Variants in STK3 observed in about 807,000 individuals in gnomAD.
STK3 encodes the protein serine/threonine-protein kinase 3.
Under a neutral mutation model 58.0 loss-of-function variants are expected in STK3, and 41 were observed. The observed-to-expected ratio is 0.71, with a 90% CI of 0.55 to 0.92. STK3 has a LOEUF of 0.92. Ranked by LOEUF, STK3 falls within the 40% of genes least tolerant of loss-of-function variation. The pLI is 0.00. For missense variants in STK3, 479 were observed against 602.7 expected (o/e 0.79, Z 2.15); for synonymous variants, 170 against 191.0 (o/e 0.89, Z 0.91).
intron 9 of STK3, among the ~76,000 whole-genome samples, chr8:98,545,272 A>G (rs951895304): frequency 6.6e-6 from 1 of 152,236 alleles, no homozygotes; most frequent in South Asian, 2.1e-4. Flanking sequence ...CCACATGTAA[A>G]TAATGGCTAG....
chr8:98,517,895 C>T (rs760365784), intron 10 of STK3, among the ~76,000 whole-genome samples: 1 of 152,042 alleles, frequency 6.6e-6, no homozygotes, highest in Admixed American at 6.6e-5. Flanking sequence ...GACTAAACAT[C>T]CAAAATTGGG....
At chr8:98,499,034 T>A (rs1000130116) in intron 10 of STK3, among the ~76,000 whole-genome samples, 9 of 152,236 alleles carry the variant, frequency 5.9e-5, no homozygotes, top group Admixed American at 3.9e-4. Flanking sequence ...CTAAATGCAA[T>A]CATAAATGTT....
chr8:98,555,969 T>G (rs527519828), intron 8 of STK3, among the ~76,000 whole-genome samples: 1 of 152,054 alleles, frequency 6.6e-6, no homozygotes, highest in Non-Finnish European at 1.5e-5. Context: ...CTTTCCAAAG[T>G]AGAAATGAAA....
chr8:98,651,993 T>G (rs997362517), intron 6 of STK3, among the ~76,000 whole-genome samples: 1 of 151,906 alleles, frequency 6.6e-6, no homozygotes, highest in Non-Finnish European at 1.5e-5. Context: ...GCCACAAAGA[T>G]ACTCCTCGAG....
intron 10 of STK3, among the ~76,000 whole-genome samples, chr8:98,457,768 A>C (rs985494432): frequency 6.6e-6 from 1 of 152,186 alleles, no homozygotes; most frequent in African/African-American, 2.4e-5. Context: ...CTAACATATT[A>C]TATAAAGCAA....
chr8:98,880,247 G>A (rs2131895815), downstream of STK3: 1 of 152,274 alleles, frequency 6.6e-6, no homozygotes, highest in Admixed American at 6.5e-5. Flanking sequence ...GACAGAGGGA[G>A]ATTCCATCTC....
intron 1 of STK3, among the ~76,000 whole-genome samples, chr8:98,379,760 T>C (rs1379944032): frequency 2.6e-5 from 4 of 152,178 alleles, no homozygotes; most frequent in Admixed American, 6.5e-5. Context: ...AAAAGCAAAA[T>C]AGAACTACCA....
At chr8:98,622,598 A>G (rs1192874382) in intron 6 of STK3, among the ~76,000 whole-genome samples, 1 of 152,232 alleles carries the variant, frequency 6.6e-6, no homozygotes. Flanking sequence ...CGAGTTCAAG[A>G]AGAACTATAT....
chr8:98,828,295 T>C (rs1324167720), upstream of STK3, among the ~76,000 whole-genome samples: 1 of 151,868 alleles, frequency 6.6e-6, no homozygotes, highest in East Asian at 1.9e-4. Flanking sequence ...CTTTTTGTGT[T>C]TCATCAGAGA....
intron 6 of STK3, among the ~76,000 whole-genome samples, chr8:98,669,042 G>A (rs1191362718): frequency 2.1e-5 from 3 of 144,480 alleles, no homozygotes; most frequent in African/African-American, 7.9e-5. Flanking sequence ...TGTTGCCCAG[G>A]TTGGAGTGCA....
chr8:98,795,129 T>TATATATATATAC (rs1288218080), intron 1 of STK3, among the ~76,000 whole-genome samples: 62 of 95,926 alleles, frequency 6.5e-4, no homozygotes, highest in African/African-American at 2.5e-3. Context: ...TATATATATA[T>TATATATATATAC]ACATACTAGT....
chr8:98,680,913 C>T (rs1182597327), intron 6 of STK3, among the ~76,000 whole-genome samples: 1 of 151,084 alleles, frequency 6.6e-6, no homozygotes, highest in African/African-American at 2.4e-5. Context: ...GGTGGGAATC[C>T]ATTATGTTTT....
intron 1 of STK3, among the ~76,000 whole-genome samples, chr8:98,902,440 C>G (rs1452341342): frequency 6.6e-6 from 1 of 152,192 alleles, no homozygotes; most frequent in East Asian, 1.9e-4. Flanking sequence ...TCATTCAGTG[C>G]TACTCTCCTA....
the STK3 span, among the ~76,000 whole-genome samples, chr8:98,348,676 A>T: frequency 1.3e-5 from 2 of 152,256 alleles, no homozygotes; most frequent in African/African-American, 4.8e-5. Flanking sequence ...GTTCAACATT[A>T]TATGTCATTA....
At chr8:98,361,238 C>A in the STK3 span, among the ~76,000 whole-genome samples, 1 of 152,148 alleles carries the variant, frequency 6.6e-6, no homozygotes, top group East Asian at 1.9e-4. Flanking sequence ...TTAAGGCCCA[C>A]ACACTCTGCA....
chr8:98,426,434 C>G (rs1818233134), intron 3 of STK3, among the ~76,000 whole-genome samples: 2 of 152,218 alleles, frequency 1.3e-5, no homozygotes, highest in South Asian at 2.1e-4. Context: ...CCACACCGGC[C>G]TGGACACAAA....
intron 1 of STK3, among the ~76,000 whole-genome samples, chr8:98,382,553 T>C (rs1817747121): frequency 6.6e-6 from 1 of 151,728 alleles, no homozygotes; most frequent in South Asian, 2.1e-4. Context: ...TGGTCTGTGT[T>C]CTAAGATTGG....
At position 98,740,631 on chromosome 8, in the gene STK3, T is replaced by G. The variant is rs192374335; in HGVS notation, c.351+8645A>C. ...GAAAGGAACAACCGGTACCAGCCAC[T>G]GCAAAATCATGCCAAATTGTAAAGA... On this transcript the variant is annotated intron_variant, in intron 4 of 10. Transcript: ENST00000419617. Among the ~76,000 whole-genome samples the G allele has an allele frequency of 3.4e-3, 525 of 152,294 alleles. 4 individuals are homozygous for G. Among genetic ancestry groups the G allele is most frequent in the African/African-American group, 0.011 (470 of 41,546 alleles).
intron 9 of STK3, among the ~76,000 whole-genome samples, chr8:98,534,706 G>C (rs1380084304): frequency 1.3e-5 from 2 of 152,126 alleles, no homozygotes; most frequent in African/African-American, 4.8e-5. Flanking sequence ...TTTGTCTCTA[G>C]GCTTCATCAT....
Sources: gnomAD v4.1 joint callset for allele counts (sites outside exome capture counted in the v4.1 genomes callset) on GRCh38, gnomAD v4.1.1 for gene constraint, MANE v1.5 for transcripts, NCBI Gene and HGNC (gene_info 2026-07-23, HGNC 2026-07-21) for gene names.